The following NEDD1 variants were observed in gnomAD, a reference collection of about 807,000 sequenced individuals.
NEDD1 encodes NEDD1 gamma-tubulin ring complex targeting factor, also known as protein NEDD1.
A neutral mutation model predicts 74.0 loss-of-function variants in NEDD1; 33 were observed. The observed-to-expected ratio is 0.45, with a 90% confidence interval of 0.34 to 0.60. NEDD1 has a LOEUF of 0.60. Ranked by LOEUF, NEDD1 falls within the 20% of genes least tolerant of loss-of-function variation. The pLI, the probability that NEDD1 is intolerant of heterozygous loss-of-function variation, is 0.01. For synonymous variants in NEDD1, 250 were observed against 264.4 expected (o/e 0.95, Z 0.53); for missense variants, 746 against 776.5 (o/e 0.96, Z 0.47).
chr12:96,918,572 G>A (rs987570403), intron 5 of NEDD1, among the ~76,000 whole-genome samples: 1 of 152,004 alleles, frequency 6.6e-6, no homozygotes, highest in African/African-American at 2.4e-5. Flanking sequence ...TGTCTTTTCG[G>A]TGTGAAATTC....
At chr12:96,932,197 C>T (rs1275036191) in intron 6 of NEDD1, among the ~76,000 whole-genome samples, 2 of 150,542 alleles carry the variant, frequency 1.3e-5, no homozygotes, top group African/African-American at 2.4e-5. Flanking sequence ...GGATTTTTTC[C>T]CCCCCATAAG....
chr12:96,910,992 G>A (rs1416916623), intron 3 of NEDD1, among the ~76,000 whole-genome samples: 2 of 152,024 alleles, frequency 1.3e-5, no homozygotes, highest in Non-Finnish European at 2.9e-5. Context: ...ATAACAAGAA[G>A]GACAAATTTT....
At chr12:96,935,774 G>A (rs1877021759) in intron 7 of NEDD1, among the ~76,000 whole-genome samples, 1 of 151,914 alleles carries the variant, frequency 6.6e-6, no homozygotes, top group African/African-American at 2.4e-5. Flanking sequence ...TAAGCATTTG[G>A]GCCCACTGTA....
At chr12:96,919,890 T>A (rs976319454) in intron 5 of NEDD1, 95 bp from the exon 6 acceptor site, 3 of 731,392 alleles carry the variant, frequency 4.1e-6, no homozygotes, top group Non-Finnish European at 6.6e-6. Flanking sequence ...AATATTAGAT[T>A]GATAAATACA....
intron 10 of NEDD1, 149 bp downstream of exon 10, chr12:96,940,686 C>T: frequency 2.1e-6 from 1 of 470,764 alleles, no homozygotes; most frequent in Non-Finnish European, 3.8e-6. Flanking sequence ...TTTTCTTTGC[C>T]CTGATATTTC....
chr12:96,948,598 C>G (rs1470039014), intron 14 of NEDD1, among the ~76,000 whole-genome samples: 1 of 152,108 alleles, frequency 6.6e-6, no homozygotes, highest in African/African-American at 2.4e-5. Flanking sequence ...AGAAATTATA[C>G]TTTTGCACCA....
At chr12:96,923,850 G>A (rs940088705) in intron 6 of NEDD1, among the ~76,000 whole-genome samples, 28 of 149,306 alleles carry the variant, frequency 1.9e-4, no homozygotes, top group African/African-American at 4.9e-4. Flanking sequence ...GCCTGTTTGC[G>A]TGTGTGTGTG....
At chr12:96,914,474 A>G (rs781141146) in intron 4 of NEDD1, among the ~76,000 whole-genome samples, 17 of 152,206 alleles carry the variant, frequency 1.1e-4, no homozygotes, top group African/African-American at 9.7e-5. Flanking sequence ...GATAAAAGTA[A>G]GATTAGTTGA....
chr12:96,908,582 T>C (rs1470609509), intron 2 of NEDD1, among the ~76,000 whole-genome samples: 2 of 152,236 alleles, frequency 1.3e-5, no homozygotes, highest in African/African-American at 2.4e-5. Context: ...CCTTGGTTTG[T>C]GAAATCACCT....
At chr12:96,907,580 C>T in intron 1 of NEDD1, 24 bp from the exon 2 acceptor site, 1 of 1,549,288 alleles carries the variant, frequency 6.5e-7, no homozygotes, top group South Asian at 1.2e-5. Flanking sequence ...TTTTTGTCAA[C>T]CTCAAGTACT....
chr12:96,936,555 C>A, intron 7 of NEDD1, 56 bp from the exon 8 acceptor site: 1 of 1,220,576 alleles, frequency 8.2e-7, no homozygotes, highest in Admixed American at 1.7e-5. Context: ...CTTATATAAG[C>A]TAATATACCT....
intron 3 of NEDD1, among the ~76,000 whole-genome samples, 196 bp downstream of exon 3, chr12:96,910,091 G>A (rs1418194847): frequency 2.6e-5 from 4 of 152,024 alleles, no homozygotes; most frequent in East Asian, 1.9e-4. Context: ...TATCTGTTGC[G>A]TTCATTTAAA....
At chr12:96,932,463 A>ATATATATATATATAT (rs1555203252) in intron 6 of NEDD1, among the ~76,000 whole-genome samples, 1 of 9,438 alleles carries the variant, frequency 1.1e-4, no homozygotes, top group African/African-American at 3.4e-4. Context: ...AAAAAAAAAA[A>ATATATATATATATAT]ATATATATAT....
At chr12:96,920,847 G>GT (rs1290030859) in intron 6 of NEDD1, among the ~76,000 whole-genome samples, 2 of 151,992 alleles carry the variant, frequency 1.3e-5, no homozygotes, top group African/African-American at 2.4e-5. Flanking sequence ...TTGGGAAGTA[G>GT]TTTTTTTAAA....
rs1878846784 is a variant in NEDD1 at position 96,953,058 on chromosome 12, A to G, written c.*1005A>G. 6.6e-6 allele frequency: 1 copy of G among 151,584 alleles called. No individual in the cohort carries two copies. Among genetic ancestry groups the G allele is most frequent in the African/African-American group, 2.4e-5 (1 of 41,376 alleles). 9.4% of individuals were successfully genotyped at this position (151,584 alleles called of 1,614,324 possible). ...AATAGATAGATGTATACATCTACCT[A>G]CTATGATCTACAATTTTAGGTTAAG... On this transcript the variant is annotated 3_prime_UTR_variant, in exon 16 of 16. Transcript: ENST00000266742.
intron 5 of NEDD1, 104 bp downstream of exon 5, chr12:96,917,841 C>A: frequency 7.7e-7 from 1 of 1,291,684 alleles, no homozygotes; most frequent in Non-Finnish European, 1.0e-6. Flanking sequence ...AAATAAGAGG[C>A]TTCAGAATTG....
In NEDD1 at chr12:96,942,541, A is replaced by G. The variant is rs200323444; in HGVS notation, c.1247-36A>G. ...CCTAAATTGATATGGTTTCTTTTTCACTAGTTTTAAAATTTGATTTTCTAA... is the reference window on the plus strand; with the variant it reads ...CCTAAATTGATATGGTTTCTTTTTCGCTAGTTTTAAAATTTGATTTTCTAA... On this transcript the variant is annotated intron_variant, in intron 10 of 15. Coordinates refer to ENST00000266742, the MANE Select transcript of NEDD1 (RefSeq NM_152905.4). The G allele has an allele frequency of 2.2e-5, 23 of 1,038,952 alleles. No individual in the cohort carries two copies. In the East Asian group the frequency reaches 2.8e-4, roughly 13 times the overall value. 64.4% of individuals were successfully genotyped at this position (1,038,952 alleles called of 1,614,324 possible).
chr12:96,932,301 T>C (rs1487366092), intron 6 of NEDD1, among the ~76,000 whole-genome samples: 1 of 149,336 alleles, frequency 6.7e-6, no homozygotes, highest in Non-Finnish European at 1.5e-5. Flanking sequence ...AATAAGTTAA[T>C]ATTTATTTTA....
intron 6 of NEDD1, among the ~76,000 whole-genome samples, chr12:96,921,581 G>A (rs978139982): frequency 1.3e-5 from 2 of 151,940 alleles, no homozygotes; most frequent in African/African-American, 4.8e-5. Flanking sequence ...TGGAGAAGAT[G>A]TATAATAAAT....
Sources: gnomAD v4.1 joint callset for allele counts (sites outside exome capture counted in the v4.1 genomes callset) on GRCh38, gnomAD v4.1.1 for gene constraint, MANE v1.5 for transcripts, NCBI Gene and HGNC (gene_info 2026-07-23, HGNC 2026-07-21) for gene names.